Variants in DCC observed in about 807,000 individuals in gnomAD.
The protein encoded by DCC is netrin receptor DCC.
A neutral mutation model predicts 172.5 loss-of-function variants in DCC; 58 were observed. That is an observed-to-expected ratio of 0.34 (90% confidence interval 0.27 to 0.42). The LOEUF (loss-of-function observed/expected upper bound fraction) is 0.42, where lower values mean the gene tolerates loss of function less well. Ranked by LOEUF, DCC falls within the 10% of genes least tolerant of loss-of-function variation. DCC has a pLI of 1.00. For missense variants in DCC, 1,740 were observed against 1,791.0 expected, an observed-to-expected ratio of 0.97 and a Z score of 0.51; for synonymous variants, 709 against 644.5, an observed-to-expected ratio of 1.10 and a Z score of -1.52.
chr18:52,761,932 A>T (rs1218857988), intron 2 of DCC, among the ~76,000 whole-genome samples: 1 of 122,640 alleles, frequency 8.2e-6, no homozygotes, highest in Non-Finnish European at 2.0e-5. Flanking sequence ...AAAAGAAAAA[A>T]AAAAAGAAGA....
chr18:52,357,589 C>G (rs976372391), intron 1 of DCC, among the ~76,000 whole-genome samples: 5 of 152,094 alleles, frequency 3.3e-5, no homozygotes, highest in Non-Finnish European at 7.4e-5. Flanking sequence ...ACTCTACTCT[C>G]GAAGAGTAGA....
intron 1 of DCC, among the ~76,000 whole-genome samples, chr18:52,426,671 CT>C (rs1987439238): frequency 6.6e-6 from 1 of 151,816 alleles, no homozygotes; most frequent in Non-Finnish European, 1.5e-5. Context: ...GTTTGATCTG[CT>C]TTAGTTAGTC....
intron 7 of DCC, among the ~76,000 whole-genome samples, chr18:53,075,359 G>T (rs2042709886): frequency 6.6e-6 from 1 of 152,186 alleles, no homozygotes. Flanking sequence ...TAGGAAGCCA[G>T]CTCAGTGCTA....
intron 5 of DCC, among the ~76,000 whole-genome samples, chr18:52,955,872 G>A (rs2040734350): frequency 6.6e-6 from 1 of 152,024 alleles, no homozygotes; most frequent in East Asian, 1.9e-4. Flanking sequence ...CTGTGATGAG[G>A]TGACTGTTTA....
intron 5 of DCC, among the ~76,000 whole-genome samples, chr18:53,002,577 A>C (rs1568237971): frequency 6.6e-6 from 1 of 152,122 alleles, no homozygotes; most frequent in Non-Finnish European, 1.5e-5. Context: ...CTCATTTCTG[A>C]TTAAACACCA....
chr18:53,440,026 A>G (rs1336095672), intron 22 of DCC, among the ~76,000 whole-genome samples: 1 of 151,538 alleles, frequency 6.6e-6, no homozygotes. Context: ...CGGCCTCCCA[A>G]AGTGCTGGGA....
At position 53,084,029 on chromosome 18, in the gene DCC, T is replaced by C. The variant is rs545235102; in HGVS notation, c.1261+17863T>C. 2.0e-5 allele frequency among the ~76,000 whole-genome samples: 3 copies of C among 152,218 alleles called. No individual in the cohort carries two copies. The South Asian group carries it at 6.2e-4, about 31-fold the overall frequency. On this transcript the variant is annotated intron_variant, in intron 7 of 28. Transcript: ENST00000442544. ...GGGAGTAGTGTCTTAGTCCACTTTC[T>C]GTTACTTGTAACTTGAAACTGGGTA...
chr18:53,302,136 C>T (rs1464834343), intron 12 of DCC, among the ~76,000 whole-genome samples: 2 of 152,010 alleles, frequency 1.3e-5, no homozygotes, highest in Admixed American at 1.3e-4. Context: ...TTAAGACCTA[C>T]CCTCGTGAAC....
intron 5 of DCC, among the ~76,000 whole-genome samples, chr18:53,059,691 C>T (rs2042466743): frequency 6.6e-6 from 1 of 152,008 alleles, no homozygotes; most frequent in Admixed American, 6.6e-5. Flanking sequence ...TTTTTCTTAT[C>T]ATTAATTGAC....
chr18:53,282,268 C>T lies in DCC; in HGVS notation c.1912-23310C>T, dbSNP rs140782470. On this transcript the variant is annotated intron_variant, in intron 12 of 28. Transcript: ENST00000442544. Reference sequence around the variant, plus strand: ...AAATAGCTGAGTTGGGATTTAAACACAGGCCATGCTGACTGCAAGACTGTC... The same window carrying T: ...AAATAGCTGAGTTGGGATTTAAACATAGGCCATGCTGACTGCAAGACTGTC... Among the ~76,000 whole-genome samples, 447 of 152,224 alleles carry T rather than the reference C, an allele frequency of 2.9e-3. 2 individuals are homozygous for T. Among genetic ancestry groups the T allele is most frequent in the African/African-American group, 0.011 (438 of 41,560 alleles).
intron 12 of DCC, among the ~76,000 whole-genome samples, chr18:53,284,034 A>C (rs2056905561): frequency 6.6e-6 from 1 of 152,152 alleles, no homozygotes; most frequent in African/African-American, 2.4e-5. Context: ...TAAGCATATA[A>C]ATTATTATTT....
chr18:53,122,750 C>T (rs1568317729), intron 7 of DCC, among the ~76,000 whole-genome samples: 1 of 151,994 alleles, frequency 6.6e-6, no homozygotes, highest in East Asian at 1.9e-4. Flanking sequence ...ATGGTTATTG[C>T]AGAAGTAGAT....
chr18:53,417,710 A>G (rs1910399853), intron 21 of DCC, among the ~76,000 whole-genome samples: 1 of 152,162 alleles, frequency 6.6e-6, no homozygotes, highest in Non-Finnish European at 1.5e-5. Flanking sequence ...ACTAGTTGAA[A>G]TGTCATTATT....
chr18:53,231,062 G>A (rs2056114614), intron 12 of DCC, among the ~76,000 whole-genome samples: 2 of 151,970 alleles, frequency 1.3e-5, no homozygotes. Context: ...CCAGACTGAG[G>A]AGGACGCAGA....
At chr18:53,508,372 T>C (rs2046209504) in intron 27 of DCC, among the ~76,000 whole-genome samples, 1 of 152,012 alleles carries the variant, frequency 6.6e-6, no homozygotes, top group Non-Finnish European at 1.5e-5. Flanking sequence ...TTTGTATTTT[T>C]TGCAGAGATG....
chr18:52,944,219 A>G (rs528241823), intron 5 of DCC, among the ~76,000 whole-genome samples: 1 of 152,354 alleles, frequency 6.6e-6, no homozygotes, highest in Admixed American at 6.5e-5. Context: ...GTGATGCTTA[A>G]AATCCATGTT....
At chr18:52,655,162 G>A (rs1347447318) in intron 1 of DCC, among the ~76,000 whole-genome samples, 1 of 151,946 alleles carries the variant, frequency 6.6e-6, no homozygotes, top group East Asian at 1.9e-4. Flanking sequence ...GAACAACATA[G>A]ACCCAGCACA....
chr18:52,587,651 A>G (rs1191320254), intron 1 of DCC, among the ~76,000 whole-genome samples: 1 of 152,162 alleles, frequency 6.6e-6, no homozygotes, highest in African/African-American at 2.4e-5. Flanking sequence ...AAAGTGCACA[A>G]CCAGGTGCAC....
intron 1 of DCC, among the ~76,000 whole-genome samples, chr18:52,502,611 T>C (rs1144046): frequency 0.97 from 148,223 of 152,238 alleles, 72,282 homozygotes; most frequent in Middle Eastern, 1. Flanking sequence ...AAGGATATTG[T>C]ATCATGCCTA....
Sources: gnomAD v4.1 joint callset for allele counts (sites outside exome capture counted in the v4.1 genomes callset) on GRCh38, gnomAD v4.1.1 for gene constraint, MANE v1.5 for transcripts, NCBI Gene and HGNC (gene_info 2026-07-23, HGNC 2026-07-21) for gene names.